Variants in KIAA0825 observed in about 807,000 individuals in gnomAD.
KIAA0825 encodes uncharacterized protein KIAA0825.
Under a neutral mutation model 147.6 loss-of-function variants are expected in KIAA0825, and 119 were observed. The ratio of observed to expected loss-of-function variants is 0.81; its 90% confidence interval spans 0.69 to 0.94. KIAA0825 has a LOEUF of 0.94. KIAA0825 is among the 40% of genes least tolerant of loss of function. The pLI is 0.00. For missense variants in KIAA0825, 1,381 were observed against 1,472.7 expected (o/e 0.94, Z 1.02); for synonymous variants, 470 against 518.1 (o/e 0.91, Z 1.26).
At chr5:94,564,618 G>GATAATCTGGAGACGTGGATTTTACTTGT (rs1468106368) in intron 2 of KIAA0825, among the ~76,000 whole-genome samples, 1 of 147,512 alleles carries the variant, frequency 6.8e-6, no homozygotes, top group Admixed American at 6.8e-5. Context: ...TGCCCTGACT[G>GATAATCTGGAGACGTGGATTTTACTTGT]GTCTCTAACT....
chr5:94,294,089 C>T (rs2150170721), intron 20 of KIAA0825, among the ~76,000 whole-genome samples: 1 of 152,208 alleles, frequency 6.6e-6, no homozygotes, highest in East Asian at 1.9e-4. Flanking sequence ...TCCAATTTGC[C>T]AATCTATGTC....
intron 20 of KIAA0825, among the ~76,000 whole-genome samples, chr5:94,318,203 A>G: frequency 6.6e-6 from 1 of 151,862 alleles, no homozygotes; most frequent in South Asian, 2.1e-4. Flanking sequence ...TAGTTTGCAC[A>G]TTTCCGAAAA....
chr5:94,322,201 G>A (rs540446636), intron 20 of KIAA0825, among the ~76,000 whole-genome samples: 292 of 151,932 alleles, frequency 1.9e-3, no homozygotes, highest in Middle Eastern at 3.4e-3. Context: ...TTTTAGCACA[G>A]AATAATACAG....
intron 20 of KIAA0825, among the ~76,000 whole-genome samples, chr5:94,201,447 A>G (rs1771679263): frequency 6.6e-6 from 1 of 151,948 alleles, no homozygotes; most frequent in Non-Finnish European, 1.5e-5. Flanking sequence ...TTGCTCCGTC[A>G]CCCAGCCTGG....
intron 3 of KIAA0825, among the ~76,000 whole-genome samples, chr5:94,526,025 CTTG>C (rs1000955200): frequency 1.5e-4 from 23 of 152,030 alleles, no homozygotes; most frequent in African/African-American, 5.5e-4. Context: ...AGTTGGCTGT[CTTG>C]TTGTCTGCCA....
chr5:94,516,688 G>A (rs1475969579), intron 5 of KIAA0825, among the ~76,000 whole-genome samples: 1 of 92,784 alleles, frequency 1.1e-5, no homozygotes, highest in African/African-American at 4.3e-5. Flanking sequence ...CTACTCGGGA[G>A]GCTGAGGCAG....
chr5:94,190,436 C>A (rs1056301867), intron 20 of KIAA0825, among the ~76,000 whole-genome samples: 130 of 151,976 alleles, frequency 8.6e-4, no homozygotes, highest in African/African-American at 2.9e-3. Flanking sequence ...CGCCATTCTC[C>A]TGCCTCAGCC....
intron 20 of KIAA0825, among the ~76,000 whole-genome samples, chr5:94,224,611 A>G (rs928884206): frequency 6.6e-5 from 10 of 152,314 alleles, no homozygotes; most frequent in African/African-American, 2.2e-4. Context: ...AATGTTTTTG[A>G]TAATTAAGGA....
At chr5:94,564,966 TCTTTTTCTTCTCTTC>T (rs952768842) in intron 2 of KIAA0825, among the ~76,000 whole-genome samples, 2 of 148,656 alleles carry the variant, frequency 1.3e-5, no homozygotes, top group African/African-American at 5.0e-5. Flanking sequence ...TCTTTTCTTT[TCTTTTTCTTCTCTTC>T]TCTTCTCTTC....
intron 13 of KIAA0825, among the ~76,000 whole-genome samples, chr5:94,445,353 T>C (rs1757594266): frequency 6.6e-6 from 1 of 152,202 alleles, no homozygotes; most frequent in South Asian, 2.1e-4. Flanking sequence ...TTAGTATTTA[T>C]GTGATGAATG....
intron 20 of KIAA0825, among the ~76,000 whole-genome samples, chr5:94,198,569 A>T (rs909872714): frequency 1.1e-4 from 17 of 152,042 alleles, no homozygotes; most frequent in African/African-American, 4.1e-4. Flanking sequence ...GGACACAGGG[A>T]GGGGAACATC....
At chr5:94,288,764 C>T (rs557307707) in intron 20 of KIAA0825, among the ~76,000 whole-genome samples, 9 of 152,142 alleles carry the variant, frequency 5.9e-5, no homozygotes, top group Non-Finnish European at 1.0e-4. Context: ...AGTCAAACAA[C>T]GTGCCAATTC....
chr5:94,288,459 GA>G (rs1235974905), intron 20 of KIAA0825, among the ~76,000 whole-genome samples: 2 of 152,152 alleles, frequency 1.3e-5, no homozygotes, highest in African/African-American at 4.8e-5. Flanking sequence ...GGAACAGGCT[GA>G]ACAACATAGA....
At chr5:94,612,819 A>G (rs1789245384) in intron 1 of KIAA0825, among the ~76,000 whole-genome samples, 1 of 152,224 alleles carries the variant, frequency 6.6e-6, no homozygotes, top group African/African-American at 2.4e-5. Flanking sequence ...GTTTGACTTC[A>G]TAGTTAGAGC....
chr5:94,236,459 T>G (rs1775042702), intron 20 of KIAA0825, among the ~76,000 whole-genome samples: 2 of 152,306 alleles, frequency 1.3e-5, no homozygotes, highest in Non-Finnish European at 2.9e-5. Context: ...AGAAAGTGGT[T>G]TCTTGATATG....
chr5:94,278,620 A>G (rs1455063312), intron 20 of KIAA0825, among the ~76,000 whole-genome samples: 1 of 152,128 alleles, frequency 6.6e-6, no homozygotes, highest in East Asian at 1.9e-4. Flanking sequence ...GAGCTCCATC[A>G]GTGTTTCTTG....
chr5:94,506,353 T>C (rs927426153), intron 5 of KIAA0825, among the ~76,000 whole-genome samples: 14 of 152,214 alleles, frequency 9.2e-5, no homozygotes, highest in African/African-American at 2.9e-4. Flanking sequence ...CACTTTGACC[T>C]ATGGTAAGAA....
intron 20 of KIAA0825, among the ~76,000 whole-genome samples, chr5:94,329,744 T>TC (rs1167066190): frequency 6.6e-6 from 1 of 151,856 alleles, no homozygotes; most frequent in South Asian, 2.1e-4. Flanking sequence ...ATTTTTTCCC[T>TC]CCCCCCCTTT....
chr5:94,470,361 CTG>C (rs1490780593), intron 9 of KIAA0825, among the ~76,000 whole-genome samples: 1 of 152,120 alleles, frequency 6.6e-6, no homozygotes, highest in Non-Finnish European at 1.5e-5. Flanking sequence ...TTGAGACAAA[CTG>C]TATTGTCAAT....
Sources: gnomAD v4.1 joint callset for allele counts (sites outside exome capture counted in the v4.1 genomes callset) on GRCh38, gnomAD v4.1.1 for gene constraint, MANE v1.5 for transcripts, NCBI Gene and HGNC (gene_info 2026-07-23, HGNC 2026-07-21) for gene names.